The following FOXO3 variants were observed in gnomAD, a reference collection of about 807,000 sequenced individuals.
The protein encoded by FOXO3 is forkhead box protein O3.
Under a neutral mutation model 41.9 loss-of-function variants are expected in FOXO3, and 4 were observed. That is an observed-to-expected ratio of 0.10 (90% CI 0.05 to 0.22). The LOEUF is 0.22. FOXO3 is among the 10% of genes least tolerant of loss of function. The pLI is 1.00. For synonymous variants in FOXO3, 318 were observed against 389.3 expected (o/e 0.82, Z 2.16); for missense variants, 534 against 906.8 (o/e 0.59, Z 5.28).
chr6:108,627,328 C>T (rs572838702), intron 1 of FOXO3, among the ~76,000 whole-genome samples: 6 of 152,118 alleles, frequency 3.9e-5, no homozygotes, highest in Admixed American at 3.3e-4. Context: ...GCGTATCACA[C>T]GAGACTCATT....
chr6:108,645,872 T>A (rs1778380087), intron 1 of FOXO3, among the ~76,000 whole-genome samples: 1 of 152,138 alleles, frequency 6.6e-6, no homozygotes, highest in African/African-American at 2.4e-5. Flanking sequence ...TGAGAGAGAG[T>A]GTGTGTATAC....
intron 1 of FOXO3, among the ~76,000 whole-genome samples, chr6:108,637,605 G>C (rs763657822): frequency 3.3e-5 from 5 of 152,034 alleles, no homozygotes; most frequent in Non-Finnish European, 5.9e-5. Flanking sequence ...TTCTAGAGTC[G>C]TGATTCTGGA....
chr6:108,610,135 C>T (rs1230620492), intron 1 of FOXO3, among the ~76,000 whole-genome samples: 2 of 151,996 alleles, frequency 1.3e-5, no homozygotes, highest in Non-Finnish European at 2.9e-5. Context: ...TATTTAAAAT[C>T]GTTGCTTTAA....
intron 1 of FOXO3, among the ~76,000 whole-genome samples, chr6:108,636,134 C>T (rs1295643375): frequency 2.0e-5 from 3 of 152,216 alleles, no homozygotes; most frequent in African/African-American, 4.8e-5. Context: ...ATGTGACTAG[C>T]ACCTCTGTGC....
chr6:108,602,815 A>G (rs1363871080), intron 1 of FOXO3, among the ~76,000 whole-genome samples: 2 of 152,124 alleles, frequency 1.3e-5, no homozygotes, highest in Non-Finnish European at 2.9e-5. Flanking sequence ...AAGCTCTTAG[A>G]GCTGAGAGTT....
chr6:108,648,686 G>GC (rs1179820083), intron 1 of FOXO3, among the ~76,000 whole-genome samples: 1 of 152,090 alleles, frequency 6.6e-6, no homozygotes, highest in East Asian at 1.9e-4. Context: ...ACAAGCTAAA[G>GC]CAGTGGACTG....
chr6:108,657,503 T>C (rs1323330884), intron 1 of FOXO3, among the ~76,000 whole-genome samples: 3 of 152,224 alleles, frequency 2.0e-5, no homozygotes, highest in African/African-American at 4.8e-5. Context: ...TCCCTAGTTC[T>C]TCAGCCAGTT....
intron 1 of FOXO3, among the ~76,000 whole-genome samples, chr6:108,583,143 G>A (rs371431158): frequency 3.3e-5 from 5 of 152,282 alleles, no homozygotes; most frequent in African/African-American, 1.2e-4. Flanking sequence ...AGGAAGATCT[G>A]CAGCTGTCTC....
In FOXO3 at chr6:108,572,156, G is replaced by A. The variant is rs539588716; in HGVS notation, c.621+10327G>A. 3.9e-5 allele frequency among the ~76,000 whole-genome samples: 6 copies of A among 152,268 alleles called. No individual in the cohort carries two copies. In the South Asian group the frequency reaches 1.2e-3, roughly 32 times the overall value. ...CGTGCTTGTTGATTGTGGACTTGAG[G>A]TTTACAGTAAGTCCATGAAATCTGG... On this transcript the variant is annotated intron_variant, in intron 1 of 2. Transcript: ENST00000406360.
rs1416728686 is a variant in FOXO3, at chr6:108,684,571, A to G, written c.*4779A>G. The G allele has an allele frequency of 1.3e-5, 2 of 152,634 alleles. No individual in the cohort carries two copies. The highest frequency in any genetic ancestry group is 2.9e-5 in the Non-Finnish European group (2 of 68,030). The allele number at this position is 152,634 out of a possible 1,614,324, so 9.5% of individuals were successfully genotyped here. On this transcript the variant is annotated 3_prime_UTR_variant, in exon 3 of 3. Transcript: ENST00000406360. ...GGATTTTGTCTAACCATATGTTGCC[A>G]TGAATTAACTCTGCCGCCTTTCTTA...
intron 1 of FOXO3, among the ~76,000 whole-genome samples, chr6:108,585,982 C>A (rs554917950): frequency 6.6e-6 from 1 of 152,296 alleles, no homozygotes; most frequent in South Asian, 2.1e-4. Context: ...CATTCCTATC[C>A]CACTTTCTCA....
chr6:108,561,219 C>T lies in FOXO3; in HGVS notation c.11C>T (p.Ala4Val). ...GGGCGGGCGGCGAAGATGGCAGAGG[C>T]ACCGGCTTCCCCGGCCCCGCTCTCT... MAEAPASPAPLSPL... is the reference protein window; with the variant it reads MAEVPASPAPLSPL... Residue 4 changes from alanine to valine, a missense_variant, in exon 1 of 3, where the codon GCA becomes GTA. Physicochemically the swap from Ala to Val is moderately conservative, Grantham distance 64. Coordinates refer to ENST00000406360, the MANE Select transcript of FOXO3 (RefSeq NM_001455.4). 2 of 1,543,436 alleles carry T rather than the reference C, an allele frequency of 1.3e-6. No individual in the cohort carries two copies. The highest frequency in any genetic ancestry group is 1.2e-5 in the South Asian group (1 of 83,608).
intron 1 of FOXO3, among the ~76,000 whole-genome samples, chr6:108,658,705 T>C (rs987850420): frequency 6.6e-6 from 1 of 152,072 alleles, no homozygotes; most frequent in Non-Finnish European, 1.5e-5. Context: ...ATTACAGGTG[T>C]GAGCCACCGT....
At chr6:108,669,220 G>A (rs1386234360) in intron 2 of FOXO3, among the ~76,000 whole-genome samples, 1 of 152,236 alleles carries the variant, frequency 6.6e-6, no homozygotes, top group Admixed American at 6.5e-5. Context: ...AGAAATAGTG[G>A]TGTACTAGTG....
Position 108,677,329 on chromosome 6 carries a change from T to G in FOXO3, c.*35-2498T>G, listed in dbSNP as rs1382406674. Among the ~76,000 whole-genome samples the G allele has an allele frequency of 2.6e-5, 4 of 152,256 alleles. No homozygotes were observed. The East Asian group carries it at 5.8e-4, about 22-fold the overall frequency. Reference sequence around the variant, plus strand: ...ACTGTGGTTGGTTAGTGCTTTAGACTGTCCCACATGGGCCTCCTACTCCTG... The same window carrying G: ...ACTGTGGTTGGTTAGTGCTTTAGACGGTCCCACATGGGCCTCCTACTCCTG... On this transcript the variant is annotated intron_variant, in intron 2 of 2. Coordinates refer to ENST00000406360, the MANE Select transcript of FOXO3 (RefSeq NM_001455.4).
At chr6:108,653,874 G>A (rs985652194) in intron 1 of FOXO3, among the ~76,000 whole-genome samples, 15 of 152,138 alleles carry the variant, frequency 9.9e-5, no homozygotes, top group African/African-American at 3.6e-4. Flanking sequence ...ACTCTTTGAG[G>A]CAACCATTTT....
rs1331064910 is a variant in FOXO3, at chr6:108,680,071, C to T, written c.*279C>T. Reference sequence around the variant, plus strand: ...GCCGCCTGCCAGTGGAGGACAGCACCCCTCAGCACCACCCACCCTCATTCA... The same window carrying T: ...GCCGCCTGCCAGTGGAGGACAGCACTCCTCAGCACCACCCACCCTCATTCA... On this transcript the variant is annotated 3_prime_UTR_variant, in exon 3 of 3. Transcript: ENST00000406360. The T allele has an allele frequency of 6.6e-6, 1 of 152,652 alleles. No individual in the cohort carries two copies. Among genetic ancestry groups the T allele is most frequent in the Admixed American group, 6.5e-5 (1 of 15,274 alleles). 9.5% of individuals were successfully genotyped at this position (152,652 alleles called of 1,614,324 possible). A position where few individuals can be genotyped will look rare whatever the true frequency, so the allele number is the denominator to read the frequency against.
At chr6:108,580,072 C>A (rs1316233023) in intron 1 of FOXO3, among the ~76,000 whole-genome samples, 1 of 151,916 alleles carries the variant, frequency 6.6e-6, no homozygotes, top group Admixed American at 6.6e-5. Flanking sequence ...ACAGTCATAA[C>A]CTTAGATTTA....
intron 1 of FOXO3, among the ~76,000 whole-genome samples, chr6:108,564,220 C>T (rs1156896882): frequency 7.9e-5 from 12 of 152,132 alleles, no homozygotes; most frequent in Admixed American, 7.9e-4. Flanking sequence ...ACTTTCAAAT[C>T]TTTGATGATG....
Sources: allele counts gnomAD v4.1 joint callset (sites outside exome capture counted in the v4.1 genomes callset), GRCh38; gene constraint gnomAD v4.1.1; transcripts MANE v1.5; gene names NCBI Gene and HGNC (gene_info 2026-07-23, HGNC 2026-07-21).